The following ZC3H12B variants were observed in gnomAD, a reference collection of about 807,000 sequenced individuals.
The protein encoded by ZC3H12B is probable ribonuclease ZC3H12B.
A neutral mutation model predicts 43.9 loss-of-function variants in ZC3H12B; 7 were observed. The ratio of observed to expected loss-of-function variants is 0.16; its 90% CI spans 0.09 to 0.30. The LOEUF (loss-of-function observed/expected upper bound fraction) is 0.30, where lower values mean the gene tolerates loss of function less well. Ranked by LOEUF, ZC3H12B falls within the 10% of genes least tolerant of loss-of-function variation. ZC3H12B has a pLI of 1.00. For synonymous variants in ZC3H12B, 222 were observed against 241.7 expected, an observed-to-expected ratio of 0.92 and a Z score of 0.76; for missense variants, 475 against 670.2, an observed-to-expected ratio of 0.71 and a Z score of 3.22.
chrX:65,380,106 A>G (rs906298979), intron 2 of ZC3H12B, among the ~76,000 whole-genome samples: 1 of 111,548 alleles, frequency 9.0e-6, no homozygotes, highest in African/African-American at 3.3e-5. Context: ...AATACAAAGA[A>G]CGCCACAAAG....
the ZC3H12B span, among the ~76,000 whole-genome samples, chrX:65,256,950 A>G: frequency 8.9e-6 from 1 of 112,200 alleles, no homozygotes; most frequent in African/African-American, 3.2e-5. Flanking sequence ...AAGTCAGGAA[A>G]CAGCAGGTGC....
At chrX:65,493,030 G>A (rs2068227054) in intron 1 of ZC3H12B, among the ~76,000 whole-genome samples, 1 of 111,088 alleles carries the variant, frequency 9.0e-6, no homozygotes, top group African/African-American at 3.3e-5. Flanking sequence ...TTGAGCCCAG[G>A]GAGGTTGAGG....
the ZC3H12B span, among the ~76,000 whole-genome samples, chrX:65,176,103 C>T: frequency 1.8e-5 from 2 of 112,017 alleles, no homozygotes; most frequent in African/African-American, 6.5e-5. Context: ...TCAGCAGATC[C>T]CACACCCACG....
At chrX:65,407,325 C>A (rs1180545435) in intron 3 of ZC3H12B, among the ~76,000 whole-genome samples, 1 of 44 alleles carries the variant, frequency 0.023, no homozygotes, top group African/African-American at 0.067. Context: ...CCCGTCGGGC[C>A]CGGAGGTTTG....
At chrX:65,115,701 C>T in the ZC3H12B span, among the ~76,000 whole-genome samples, 5 of 111,384 alleles carry the variant, frequency 4.5e-5, no homozygotes, top group African/African-American at 6.5e-5. Flanking sequence ...CTTTTCACTA[C>T]ATTGATGCCA....
the ZC3H12B span, among the ~76,000 whole-genome samples, chrX:65,313,098 TC>T: frequency 9.0e-6 from 1 of 111,320 alleles, no homozygotes; most frequent in African/African-American, 3.3e-5. Flanking sequence ...GCCAGGCTGG[TC>T]TTGAACTTTT....
chrX:65,122,105 GAGA>G, the ZC3H12B span, among the ~76,000 whole-genome samples: 1 of 111,331 alleles, frequency 9.0e-6, no homozygotes, highest in Non-Finnish European at 1.9e-5. Flanking sequence ...GTGTGGTGCT[GAGA>G]AGAATGTATA....
At chrX:65,176,321 A>G in the ZC3H12B span, among the ~76,000 whole-genome samples, 1 of 111,905 alleles carries the variant, frequency 8.9e-6, no homozygotes. Context: ...AAGCCTCTAT[A>G]GCCAGACTGC....
the ZC3H12B span, among the ~76,000 whole-genome samples, chrX:65,123,136 A>T: frequency 8.9e-6 from 1 of 111,940 alleles, no homozygotes; most frequent in African/African-American, 3.2e-5. Flanking sequence ...TTTAGCATGA[A>T]ATGCTGTTGA....
rs761789316 is a variant in ZC3H12B, at chrX:65,506,086, C to T, written c.*2877C>T. 2.7e-5 allele frequency: 3 copies of T among 112,308 alleles called. No individual in the cohort carries two copies. The South Asian group carries it at 1.1e-3, about 42-fold the overall frequency. The allele number at this position is 112,308 out of a possible 1,213,427, so 9.3% of individuals were successfully genotyped here. On this transcript the variant is annotated 3_prime_UTR_variant, in exon 5 of 5. Transcript: ENST00000338957. Reference sequence around the variant, plus strand: ...GGCACTGTGTGTCACAGGGAAGTAGCTCAGGGGTTGTGAGGGAGCTTTTAT... The same window carrying T: ...GGCACTGTGTGTCACAGGGAAGTAGTTCAGGGGTTGTGAGGGAGCTTTTAT...
At chrX:65,118,657 G>C in the ZC3H12B span, among the ~76,000 whole-genome samples, 1 of 109,157 alleles carries the variant, frequency 9.2e-6, no homozygotes. Flanking sequence ...CTTTTTTTTT[G>C]TTTTTTATTA....
chrX:65,257,755 C>T, the ZC3H12B span, among the ~76,000 whole-genome samples: 1 of 110,766 alleles, frequency 9.0e-6, no homozygotes, highest in Admixed American at 9.6e-5. Context: ...CTAAAACACT[C>T]CTATGCACAC....
chrX:65,152,091 A>T, the ZC3H12B span, among the ~76,000 whole-genome samples: 3 of 111,708 alleles, frequency 2.7e-5, no homozygotes, highest in Non-Finnish European at 5.6e-5. Flanking sequence ...TGCAAATAAT[A>T]AGAGCTATCT....
At chrX:65,115,326 A>G in the ZC3H12B span, among the ~76,000 whole-genome samples, 1 of 110,718 alleles carries the variant, frequency 9.0e-6, no homozygotes, top group African/African-American at 3.3e-5. Flanking sequence ...TTCCTGAGTT[A>G]CTTCACTTAA....
the ZC3H12B span, among the ~76,000 whole-genome samples, chrX:65,081,661 A>T: frequency 9.0e-6 from 1 of 111,669 alleles, no homozygotes; most frequent in African/African-American, 3.2e-5. Flanking sequence ...AATGAGAGAG[A>T]TAGACCTCAA....
intron 3 of ZC3H12B, among the ~76,000 whole-genome samples, chrX:65,410,249 C>T (rs1234831424): frequency 9.0e-6 from 1 of 110,885 alleles, no homozygotes; most frequent in Non-Finnish European, 1.9e-5. Flanking sequence ...GCAGGAAAAA[C>T]TAGATATCCA....
chrX:65,107,320 A>G, the ZC3H12B span, among the ~76,000 whole-genome samples: 2 of 111,006 alleles, frequency 1.8e-5, no homozygotes, highest in Non-Finnish European at 3.8e-5. Context: ...CAATTAGTAG[A>G]TTTTGGTCAT....
chrX:65,212,432 T>C, the ZC3H12B span, among the ~76,000 whole-genome samples: 75 of 60,579 alleles, frequency 1.2e-3, 1 homozygote, highest in African/African-American at 5.9e-3. Context: ...ATATAATTAT[T>C]ATATATTATA....
the ZC3H12B span, among the ~76,000 whole-genome samples, chrX:65,164,810 G>A: frequency 8.9e-6 from 1 of 112,115 alleles, no homozygotes; most frequent in African/African-American, 3.2e-5. Context: ...CCCCTCAAAA[G>A]TAGCCCTGTG....
Sources: gnomAD v4.1 joint callset for allele counts (sites outside exome capture counted in the v4.1 genomes callset) on GRCh38, gnomAD v4.1.1 for gene constraint, MANE v1.5 for transcripts, NCBI Gene and HGNC (gene_info 2026-07-23, HGNC 2026-07-21) for gene names.